MMADHC: variants seen among roughly 807,000 people sequenced by gnomAD.
MMADHC encodes the protein metabolism of cobalamin associated D, also known as cobalamin trafficking protein CblD.
A neutral mutation model predicts 36.3 loss-of-function variants in MMADHC; 23 were observed. The observed-to-expected ratio is 0.63, with a 90% CI of 0.46 to 0.90. The LOEUF (loss-of-function observed/expected upper bound fraction) is 0.90, where lower values mean the gene tolerates loss of function less well. Ranked by LOEUF, MMADHC falls within the 40% of genes least tolerant of loss-of-function variation. The pLI, the probability that MMADHC is intolerant of heterozygous loss-of-function variation, is 0.00. For synonymous variants in MMADHC, 97 were observed against 116.1 expected (o/e 0.84, Z 1.06); for missense variants, 330 against 348.0 (o/e 0.95, Z 0.41).
At chr2:149,587,335 G>C (rs1351129277) in intron 1 of MMADHC, 186 bp from the exon 2 acceptor site, 3 of 597,478 alleles carry the variant, frequency 5.0e-6, no homozygotes, top group South Asian at 2.0e-5. Flanking sequence ...GCCCGGAGCC[G>C]GCAGTGCAGC....
At chr2:149,571,912 C>T in intron 6 of MMADHC, among the ~76,000 whole-genome samples, 1 of 152,132 alleles carries the variant, frequency 6.6e-6, no homozygotes, top group Non-Finnish European at 1.5e-5. Context: ...CTTCAGTATA[C>T]ATCTATCTAC....
Position 149,579,499 on chromosome 2 carries a change from C to T in MMADHC, c.304G>A (p.Val102Ile), listed in dbSNP as rs1209705053. 6.2e-7 allele frequency: 1 copy of T among 1,613,080 alleles called. No homozygotes were observed. The highest frequency in any genetic ancestry group is 1.7e-5 in the Admixed American group (1 of 60,014). ...TCACTTGATAAAGGTTCTGCTAGAA[C>T]ATCAGGCAAAGTTTTATGAACCAGG... ...KSLVHKTLPDVLAEPLSSERH... is the reference protein window; with the variant it reads ...KSLVHKTLPDILAEPLSSERH... The change falls in exon 4 of 8, where the codon GTT becomes ATT. Residue 102 changes from valine (V) to isoleucine (I), a missense_variant. By Grantham distance (29) the Val-to-Ile change is conservative. Transcript: ENST00000303319.
intron 6 of MMADHC, among the ~76,000 whole-genome samples, chr2:149,571,771 C>A (rs1406155262): frequency 7.3e-6 from 1 of 136,200 alleles, no homozygotes; most frequent in Non-Finnish European, 1.6e-5. Context: ...CAGAGCGAGA[C>A]TCCATCTCAA....
At chr2:149,575,602 G>T in intron 6 of MMADHC, 109 bp downstream of exon 6, 1 of 924,678 alleles carries the variant, frequency 1.1e-6, no homozygotes, top group Non-Finnish European at 1.6e-6. Context: ...TAATACTTTG[G>T]CAGAAAATGA....
intron 4 of MMADHC, among the ~76,000 whole-genome samples, chr2:149,577,356 G>A (rs1682732325): frequency 2.0e-5 from 3 of 152,190 alleles, no homozygotes; most frequent in African/African-American, 7.2e-5. Context: ...GACACAGAAT[G>A]TGTATTCAAG....
chr2:149,578,708 A>G (rs1451282240), intron 4 of MMADHC, among the ~76,000 whole-genome samples: 1 of 152,134 alleles, frequency 6.6e-6, no homozygotes, highest in Non-Finnish European at 1.5e-5. Flanking sequence ...GGACAGGTCA[A>G]CTGTGTCTCA....
chr2:149,576,149 T>C (rs539524968), intron 5 of MMADHC, among the ~76,000 whole-genome samples: 11 of 152,066 alleles, frequency 7.2e-5, no homozygotes, highest in Non-Finnish European at 1.5e-4. Context: ...TTCCGTATTA[T>C]ATTAACTCAT....
At chr2:149,575,434 G>C (rs1682700435) in intron 6 of MMADHC, among the ~76,000 whole-genome samples, 1 of 150,852 alleles carries the variant, frequency 6.6e-6, no homozygotes, top group African/African-American at 2.5e-5. Context: ...AGGGGAGAAG[G>C]ATAAAGAGTT....
chr2:149,575,769 T>C lies in MMADHC; in HGVS notation c.551A>G (p.Asn184Ser). ...TTCTTCACTCCAAACAGTCATATCA[T>C]TCTTAGTTTTTTGTGTTACAGTCAG... is the stretch of plus-strand genomic sequence containing the variant. Reference protein sequence around the residue: ...MILTVTQKTKNDMTVWSEEVE... With the variant: ...MILTVTQKTKSDMTVWSEEVE... The change falls in exon 6 of 8, where the codon AAT (asparagine) becomes AGT (serine). Residue 184 changes from asparagine (N) to serine (S), a missense_variant. Asn to Ser is a conservative substitution (Grantham distance 46). Coordinates refer to ENST00000303319, the MANE Select transcript of MMADHC (RefSeq NM_015702.3). 1 of 1,610,222 alleles carries C rather than the reference T, an allele frequency of 6.2e-7. No individual in the cohort carries two copies. Among genetic ancestry groups the C allele is most frequent in the Non-Finnish European group, 8.5e-7 (1 of 1,177,332 alleles).
rs546214486 is a variant in MMADHC at position 149,585,249 on chromosome 2, T to C, written c.9+1840A>G. Among the ~76,000 whole-genome samples the C allele has an allele frequency of 3.3e-5, 5 of 152,276 alleles. No homozygotes were observed. The South Asian group carries it at 1.0e-3, about 32-fold the overall frequency. On this transcript the variant is annotated intron_variant, in intron 2 of 7. Transcript: ENST00000303319. ...GGAAAAGCATTTATTTTATATATGA[T>C]TAAATTCAAACTTCTAGACTTGGGA...
At chr2:149,577,006 G>A (rs908378510) in intron 4 of MMADHC, among the ~76,000 whole-genome samples, 1 of 152,026 alleles carries the variant, frequency 6.6e-6, no homozygotes. Context: ...AATTTACTGA[G>A]AGCCTACTAT....
In MMADHC at chr2:149,575,708, T is replaced by C. The variant is rs1481568406; in HGVS notation, c.609+3A>G. 1.3e-6 allele frequency: 2 copies of C among 1,590,556 alleles called. No homozygotes were observed. Among genetic ancestry groups the C allele is most frequent in the East Asian group, 4.5e-5 (2 of 44,504 alleles). On this transcript the variant is annotated splice_donor_region_variant and intron_variant, in intron 6 of 7. Coordinates refer to ENST00000303319, the MANE Select transcript of MMADHC (RefSeq NM_015702.3). ...TTAAATTATTAGCAATTGAAAGAAT[T>C]ACCTTTTCTAAGAGCACTTCTCTTT...
intron 2 of MMADHC, among the ~76,000 whole-genome samples, chr2:149,583,193 A>T (rs1682818749): frequency 6.6e-6 from 1 of 152,234 alleles, no homozygotes; most frequent in African/African-American, 2.4e-5. Flanking sequence ...CAAATATCAA[A>T]TCATCTGTGA....
intron 6 of MMADHC, among the ~76,000 whole-genome samples, chr2:149,571,893 TTG>T (rs1272670694): frequency 1.3e-5 from 2 of 152,220 alleles, no homozygotes; most frequent in African/African-American, 4.8e-5. Context: ...ATTTACTTGT[TTG>T]TGTGTCCTTC....
At chr2:149,586,541 A>G (rs1451036154) in intron 2 of MMADHC, among the ~76,000 whole-genome samples, 1 of 152,220 alleles carries the variant, frequency 6.6e-6, no homozygotes, top group African/African-American at 2.4e-5. Context: ...TTCTAAAAAA[A>G]ATTATTACTT....
chr2:149,582,784 A>G (rs1034562932), intron 2 of MMADHC, among the ~76,000 whole-genome samples: 3 of 152,086 alleles, frequency 2.0e-5, no homozygotes, highest in African/African-American at 7.2e-5. Flanking sequence ...TCTTTGTGGT[A>G]TATTTTTTTC....
At chr2:149,583,921 C>G (rs751568036) in intron 2 of MMADHC, among the ~76,000 whole-genome samples, 1 of 152,060 alleles carries the variant, frequency 6.6e-6, no homozygotes, top group Non-Finnish European at 1.5e-5. Context: ...ATACTGTTTC[C>G]TTATCGTTCT....
Position 149,570,060 on chromosome 2 carries a change from G to A in MMADHC, c.805C>T (p.Leu269Phe). ...LGCCKVIRHSLWGTHVVVGSI... is the reference protein window; with the variant it reads ...LGCCKVIRHSFWGTHVVVGSI... ...CCTACAACTACATGGGTACCCCAGA[G>A]ACTATGACGAATCACTTTACAGCAT... The change falls in exon 8 of 8, where the codon CTC becomes TTC. Residue 269 changes from leucine (L) to phenylalanine (F), a missense_variant. By Grantham distance (22) the Leu-to-Phe change is conservative (BLOSUM62 0). Transcript: ENST00000303319. 1 of 1,613,672 alleles carries A rather than the reference G, an allele frequency of 6.2e-7. No individual in the cohort carries two copies. The highest frequency in any genetic ancestry group is 8.5e-7 in the Non-Finnish European group (1 of 1,179,660).
intron 2 of MMADHC, among the ~76,000 whole-genome samples, chr2:149,586,566 A>T (rs1427022990): frequency 6.6e-6 from 1 of 152,178 alleles, no homozygotes; most frequent in African/African-American, 2.4e-5. Context: ...CTTTAATTGT[A>T]GCTGTTTTTA....
Sources: gnomAD v4.1 joint callset for allele counts (sites outside exome capture counted in the v4.1 genomes callset) on GRCh38, gnomAD v4.1.1 for gene constraint, MANE v1.5 for transcripts, NCBI Gene and HGNC (gene_info 2026-07-23, HGNC 2026-07-21) for gene names.